TCOF1: variants seen among roughly 807,000 people sequenced by gnomAD.
TCOF1 encodes treacle protein.
In TCOF1, 33 loss-of-function variants were observed where a neutral mutation model predicts 149.0. The observed-to-expected ratio is 0.22, with a 90% CI of 0.17 to 0.30. The LOEUF is 0.30. Among genes scored for constraint, TCOF1 ranks in the 10% least tolerant of loss-of-function variants. The pLI is 1.00. For synonymous variants in TCOF1, 789 were observed against 738.8 expected (o/e 1.07, Z -1.10); for missense variants, 1,728 against 1,840.7 (o/e 0.94, Z 1.12).
At chr5:150,360,947 A>G (rs1306658287) in intron 1 of TCOF1, among the ~76,000 whole-genome samples, 2 of 151,596 alleles carry the variant, frequency 1.3e-5, no homozygotes, top group Non-Finnish European at 2.9e-5. Flanking sequence ...TGTTGCCCAG[A>G]CTGGTCTTGA....
At chr5:150,384,228 CA>C in intron 17 of TCOF1, 2 of 996,018 alleles carry the variant, frequency 2.0e-6, no homozygotes, top group Non-Finnish European at 2.4e-6. Context: ...GCACAGATTA[CA>C]AAAGTAAAGA....
chr5:150,395,802 C>G (rs1182140901), intron 23 of TCOF1, among the ~76,000 whole-genome samples: 1 of 152,118 alleles, frequency 6.6e-6, no homozygotes, highest in East Asian at 1.9e-4. Context: ...TCATAGGAAG[C>G]CTTACTGTTC....
chr5:150,379,004 A>G lies in TCOF1; in HGVS notation c.2440A>G (p.Thr814Ala). The part of the protein sequence containing the change: ...GTISAPGKVV[T>A]AAAQAKQRSP... ...AATTTCAGCCCCTGGAAAAGTTGTCACTGCAGCTGCTCAAGCCAAGCAGAG... is the reference window on the plus strand; with the variant it reads ...AATTTCAGCCCCTGGAAAAGTTGTCGCTGCAGCTGCTCAAGCCAAGCAGAG... The change falls in exon 15 of 27, where the codon ACT becomes GCT. Residue 814 changes from threonine to alanine, a missense_variant. Physicochemically the swap from Thr to Ala is moderately conservative, Grantham distance 58. Transcript: ENST00000643257. 1 of 1,614,110 alleles carries G rather than the reference A, an allele frequency of 6.2e-7. No individual in the cohort carries two copies. The highest frequency in any genetic ancestry group is 1.1e-5 in the South Asian group (1 of 91,084).
At chr5:150,374,046 G>T in intron 7 of TCOF1, 128 bp from the exon 8 acceptor site, 1 of 1,031,430 alleles carries the variant, frequency 9.7e-7, no homozygotes. Context: ...TATCAGTCAA[G>T]GTGGGGAGTG....
chr5:150,391,320 G>A (rs1435635763), intron 19 of TCOF1, among the ~76,000 whole-genome samples: 1 of 152,180 alleles, frequency 6.6e-6, no homozygotes, highest in Non-Finnish European at 1.5e-5. Context: ...ATTGAGTAGT[G>A]GGGCCTAAGC....
chr5:150,369,709 T>C, intron 6 of TCOF1, 107 bp downstream of exon 6: 1 of 1,251,198 alleles, frequency 8.0e-7, no homozygotes, highest in Non-Finnish European at 1.1e-6. Flanking sequence ...TCAGCAACTG[T>C]GGTAGGGTGA....
At chr5:150,361,468 G>A (rs954629176) in intron 2 of TCOF1, among the ~76,000 whole-genome samples, 2 of 152,200 alleles carry the variant, frequency 1.3e-5, no homozygotes, top group Non-Finnish European at 2.9e-5. Flanking sequence ...CTCAGCAAAC[G>A]TATATTGAGC....
Position 150,375,445 on chromosome 5 carries a change from C to T in TCOF1, c.1595C>T (p.Ala532Val). The change falls in exon 11 of 27, where the codon GCA becomes GTA. Residue 532 changes from alanine (A) to valine (V), a missense_variant. Physicochemically the swap from Ala to Val is moderately conservative, Grantham distance 64 (BLOSUM62 0). Transcript: ENST00000643257. ...GPVPPGKVGP[A>V]TPSAQVGKWE... is the part of the protein sequence containing the mutation. ...GTGCCACCCGGGAAGGTGGGGCCTG[C>T]AACCCCCTCAGCCCAGGTGGGGAAG... is the stretch of plus-strand genomic sequence containing the variant. The T allele has an allele frequency of 6.2e-7, 1 of 1,613,808 alleles. No homozygotes were observed. Among genetic ancestry groups the T allele is most frequent in the Non-Finnish European group, 8.5e-7 (1 of 1,179,848 alleles).
chr5:150,398,455 G>A lies in TCOF1; in HGVS notation c.4443+4G>A, dbSNP rs767035903. 5 of 1,614,108 alleles carry A rather than the reference G, an allele frequency of 3.1e-6. No homozygotes were observed. In the South Asian group the frequency reaches 3.3e-5, roughly 11 times the overall value. ...CCAGAAGAAAAAGAAGAAAAAGGTA[G>A]AGAGTTCCTGGGGTGTCTCAGGCCA... On this transcript the variant is annotated splice_donor_region_variant and intron_variant, in intron 25 of 26. Coordinates refer to ENST00000643257, the MANE Select transcript of TCOF1 (RefSeq NM_001371623.1).
At chr5:150,389,519 C>T (rs1229516519) in intron 18 of TCOF1, among the ~76,000 whole-genome samples, 2 of 152,172 alleles carry the variant, frequency 1.3e-5, no homozygotes, top group Admixed American at 1.3e-4. Context: ...ATGCATGTAA[C>T]CAGGCCTCTG....
chr5:150,363,909 A>G (rs1760719300), intron 2 of TCOF1, among the ~76,000 whole-genome samples: 1 of 152,222 alleles, frequency 6.6e-6, no homozygotes, highest in African/African-American at 2.4e-5. Flanking sequence ...TATTTTAAAG[A>G]CTAATCAAGA....
intron 3 of TCOF1, among the ~76,000 whole-genome samples, chr5:150,365,890 G>A (rs1761232114): frequency 6.6e-6 from 1 of 152,026 alleles, no homozygotes. Flanking sequence ...GGAGGTCAAG[G>A]TAGAAGGATC....
At chr5:150,363,647 A>G (rs1402859762) in intron 2 of TCOF1, among the ~76,000 whole-genome samples, 3 of 152,220 alleles carry the variant, frequency 2.0e-5, no homozygotes, top group African/African-American at 7.2e-5. Flanking sequence ...AAAATGAAAC[A>G]GGATCACAGG....
intron 23 of TCOF1, chr5:150,393,836 A>G: frequency 2.2e-6 from 1 of 459,968 alleles, no homozygotes; most frequent in South Asian, 2.1e-5. Context: ...CAACACAGAG[A>G]GACCCCATCT....
intron 12 of TCOF1, 73 bp downstream of exon 12, chr5:150,375,982 G>A: frequency 1.2e-6 from 2 of 1,613,882 alleles, no homozygotes; most frequent in Non-Finnish European, 1.7e-6. Flanking sequence ...GGGGAGCTGT[G>A]CTCCCTCAGG....
intron 3 of TCOF1, among the ~76,000 whole-genome samples, chr5:150,366,367 C>T (rs1406166496): frequency 2.0e-5 from 3 of 151,974 alleles, no homozygotes; most frequent in Non-Finnish European, 4.4e-5. Flanking sequence ...AATTTAAAAA[C>T]GCATCCTCAT....
In TCOF1 at chr5:150,379,502, TCTCTC is replaced by T. The variant is rs151182547; in HGVS notation, c.2659-24_2659-20del. The T allele has an allele frequency of 0.076, 122,441 of 1,614,046 alleles. 5,130 individuals carry two copies. The highest frequency in any genetic ancestry group is 0.092 in the South Asian group (8,402 of 91,078). On this transcript the variant is annotated intron_variant, in intron 16 of 26. Transcript: ENST00000643257. ...CTTCTCACACGTCCACCCTCCAGGC[TCTCTC>T]CTCTCATCCTGTTTCTCCCTCCAGG... is the stretch of plus-strand genomic sequence containing the variant.
In TCOF1 at chr5:150,399,101, G is replaced by T. The variant is rs148753328; in HGVS notation, c.*22+31G>T. On this transcript the variant is annotated intron_variant, in intron 26 of 26. Coordinates refer to ENST00000643257, the MANE Select transcript of TCOF1 (RefSeq NM_001371623.1). ...CTTCCCAATCATTCCTGAGCATTCAGGGTGGGAGGACAGCTCTGGTGTCCC... is the reference window on the plus strand; with the variant it reads ...CTTCCCAATCATTCCTGAGCATTCATGGTGGGAGGACAGCTCTGGTGTCCC... 9 of 1,614,146 alleles carry T rather than the reference G, an allele frequency of 5.6e-6. No homozygotes were observed. The East Asian group carries it at 2.0e-4, about 36-fold the overall frequency.
chr5:150,395,934 C>T (rs1450411706), intron 23 of TCOF1, among the ~76,000 whole-genome samples: 4 of 152,180 alleles, frequency 2.6e-5, no homozygotes, highest in Admixed American at 2.6e-4. Context: ...TTCCTCCCAG[C>T]TCCAGACTCC....
Sources: allele counts gnomAD v4.1 joint callset (sites outside exome capture counted in the v4.1 genomes callset), GRCh38; gene constraint gnomAD v4.1.1; transcripts MANE v1.5; gene names NCBI Gene and HGNC (gene_info 2026-07-23, HGNC 2026-07-21).